Variants in TNR observed in about 807,000 individuals in gnomAD.
TNR encodes the protein tenascin R, also known as tenascin-R.
TNR carries 45 observed loss-of-function variants against 150.4 expected under a neutral mutation model. The observed-to-expected ratio is 0.30, with a 90% CI of 0.24 to 0.38. TNR has a LOEUF of 0.38. Among genes scored for constraint, TNR ranks in the 10% least tolerant of loss-of-function variants. The probability of loss-of-function intolerance (pLI) is 1.00; values close to 1 mark genes in which losing one functional copy is unlikely to be tolerated. For missense variants in TNR, 1,544 were observed against 1,759.1 expected (o/e 0.88, Z 2.19); for synonymous variants, 687 against 678.4 (o/e 1.01, Z -0.20).
intron 1 of TNR, among the ~76,000 whole-genome samples, chr1:175,722,342 A>G (rs949876337): frequency 6.6e-6 from 1 of 152,156 alleles, no homozygotes; most frequent in Non-Finnish European, 1.5e-5. Context: ...CCTCTAGTCC[A>G]AGTTGCTGAC....
In TNR at chr1:175,355,643, GGA is replaced by G; in HGVS notation, c.3119-12_3119-11del. 6.2e-7 allele frequency: 1 copy of G among 1,613,548 alleles called. No individual in the cohort carries two copies. The highest frequency in any genetic ancestry group is 8.5e-7 in the Non-Finnish European group (1 of 1,179,694). On this transcript the variant is annotated splice_polypyrimidine_tract_variant and intron_variant, in intron 16 of 22. Coordinates refer to ENST00000367674, the MANE Select transcript of TNR (RefSeq NM_003285.3). ...GCCGGAGGGTCCAGGACTGCAAAGA[GGA>G]GAAAGTGCCAGGGCATGCCTGCCTC...
intron 2 of TNR, among the ~76,000 whole-genome samples, chr1:175,488,559 C>A (rs534726978): frequency 6.6e-6 from 1 of 152,314 alleles, no homozygotes; most frequent in African/African-American, 2.4e-5. Flanking sequence ...AAAGGCCCTG[C>A]ACAGTCTTTG....
chr1:175,405,592 T>G (rs1557912640), intron 3 of TNR, among the ~76,000 whole-genome samples: 1 of 146,506 alleles, frequency 6.8e-6, no homozygotes, highest in African/African-American at 2.6e-5. Flanking sequence ...TGTGCATGCG[T>G]GAGAGAGAGA....
At chr1:175,606,914 G>A (rs906610124) in intron 1 of TNR, among the ~76,000 whole-genome samples, 3 of 152,216 alleles carry the variant, frequency 2.0e-5, no homozygotes, top group African/African-American at 7.2e-5. Flanking sequence ...GCAGGATCAA[G>A]CTGAGACTAG....
intron 20 of TNR, among the ~76,000 whole-genome samples, chr1:175,332,634 A>C (rs898342803): frequency 2.0e-5 from 3 of 152,106 alleles, no homozygotes. Flanking sequence ...GCCTCTATTC[A>C]ACCCACTCAC....
intron 2 of TNR, among the ~76,000 whole-genome samples, chr1:175,444,556 T>C (rs1037498094): frequency 6.6e-6 from 1 of 152,162 alleles, no homozygotes. Context: ...ACACACCACA[T>C]CCCAGAATTA....
At chr1:175,341,172 A>C (rs1650506688) in intron 18 of TNR, among the ~76,000 whole-genome samples, 1 of 152,128 alleles carries the variant, frequency 6.6e-6, no homozygotes, top group South Asian at 2.1e-4. Flanking sequence ...AGGCCCTCCT[A>C]GCTCTCTGGA....
intron 1 of TNR, among the ~76,000 whole-genome samples, chr1:175,545,768 A>G (rs1660661414): frequency 6.6e-6 from 1 of 152,242 alleles, no homozygotes; most frequent in African/African-American, 2.4e-5. Context: ...CGATTCACAC[A>G]GCTAATAAGT....
At chr1:175,375,255 G>A (rs758054527) in intron 9 of TNR, among the ~76,000 whole-genome samples, 11 of 151,752 alleles carry the variant, frequency 7.2e-5, no homozygotes, top group Non-Finnish European at 1.0e-4. Context: ...AATCTGGCTG[G>A]TAAGATGTGT....
chr1:175,378,874 T>C (rs1235953412), intron 9 of TNR, among the ~76,000 whole-genome samples: 9 of 152,090 alleles, frequency 5.9e-5, no homozygotes, highest in Admixed American at 2.6e-4. Flanking sequence ...TAATCAAAAA[T>C]GTACTTTGAA....
At chr1:175,526,655 T>C (rs1001959819) in intron 2 of TNR, among the ~76,000 whole-genome samples, 1 of 152,172 alleles carries the variant, frequency 6.6e-6, no homozygotes, top group African/African-American at 2.4e-5. Flanking sequence ...AATTCTAATG[T>C]TATTAAGGGC....
Position 175,365,045 on chromosome 1 carries a change from A to T in TNR, c.2552T>A (p.Val851Glu), listed in dbSNP as rs931265876. Residue 851 changes from valine to glutamate, a missense_variant, in exon 12 of 23, where the codon GTG becomes GAG. This residue lies in a region of TNR where 1,254 missense variants were observed against 1,329.4 expected (regional missense o/e 0.94). Transcript: ENST00000367674. ...GGAGCCCACAATGGGCTCAGAGGTC[A>T]CTGTGCCATGGACAGCCACAAGGTT... is the stretch of plus-strand genomic sequence containing the variant. ...IVNLVAVHGT[V>E]TSEPIVGSIT... 1 of 1,613,732 alleles carries T rather than the reference A, an allele frequency of 6.2e-7. No individual in the cohort carries two copies. The highest frequency in any genetic ancestry group is 1.3e-5 in the African/African-American group (1 of 75,028).
At chr1:175,589,452 C>T (rs939601088) in intron 1 of TNR, among the ~76,000 whole-genome samples, 1 of 152,176 alleles carries the variant, frequency 6.6e-6, no homozygotes, top group African/African-American at 2.4e-5. Context: ...TGTACTCACT[C>T]AGTCACCATC....
chr1:175,516,142 T>C (rs1166568519), intron 2 of TNR, among the ~76,000 whole-genome samples: 1 of 152,232 alleles, frequency 6.6e-6, no homozygotes, highest in Non-Finnish European at 1.5e-5. Flanking sequence ...AGTTTATTCC[T>C]CATTAATTCA....
intron 1 of TNR, among the ~76,000 whole-genome samples, chr1:175,583,991 G>A (rs1269298417): frequency 6.6e-6 from 1 of 152,180 alleles, no homozygotes; most frequent in Non-Finnish European, 1.5e-5. Context: ...ACGTGGAGCT[G>A]TGTGACCTGG....
chr1:175,563,137 T>A (rs1447844681), intron 1 of TNR, among the ~76,000 whole-genome samples: 1 of 152,224 alleles, frequency 6.6e-6, no homozygotes, highest in Non-Finnish European at 1.5e-5. Flanking sequence ...CTGAAATACA[T>A]CTGACATGGT....
At chr1:175,452,714 G>A (rs1212969386) in intron 2 of TNR, among the ~76,000 whole-genome samples, 1 of 152,294 alleles carries the variant, frequency 6.6e-6, no homozygotes, top group South Asian at 2.1e-4. Flanking sequence ...AAAGAGTGAC[G>A]GGAACTGATT....
At chr1:175,380,056 C>A (rs1307482848) in intron 8 of TNR, among the ~76,000 whole-genome samples, 2 of 152,140 alleles carry the variant, frequency 1.3e-5, no homozygotes, top group East Asian at 3.9e-4. Context: ...ACAAGGGAAA[C>A]CCCAGGAGGA....
chr1:175,360,875 A>G (rs1475760717), intron 14 of TNR, among the ~76,000 whole-genome samples: 1 of 152,202 alleles, frequency 6.6e-6, no homozygotes, highest in East Asian at 1.9e-4. Context: ...TTGTAAGATC[A>G]TAGACCTCAA....
Sources: allele counts gnomAD v4.1 joint callset (sites outside exome capture counted in the v4.1 genomes callset), GRCh38; gene constraint gnomAD v4.1.1; regional missense constraint gnomAD v4.1.1; transcripts MANE v1.5; gene names NCBI Gene and HGNC (gene_info 2026-07-23, HGNC 2026-07-21).